The following RNF157 variants were observed in gnomAD, a reference collection of about 807,000 sequenced individuals.
RNF157 encodes ring finger protein 157.
In RNF157, 55 loss-of-function variants were observed where a neutral mutation model predicts 88.3. That is an observed-to-expected ratio of 0.62 (90% CI 0.50 to 0.78). The LOEUF (loss-of-function observed/expected upper bound fraction) is 0.78. RNF157 is among the 30% of genes least tolerant of loss of function. The pLI is 0.00. For missense variants in RNF157, 788 were observed against 860.8 expected (o/e 0.92, Z 1.06); for synonymous variants, 334 against 341.2 (o/e 0.98, Z 0.23).
intron 2 of RNF157, among the ~76,000 whole-genome samples, chr17:76,192,972 C>A (rs1429966124): frequency 6.6e-6 from 1 of 151,966 alleles, no homozygotes; most frequent in Non-Finnish European, 1.5e-5. Context: ...CAGCCGCGCG[C>A]CACCACACCT....
intron 2 of RNF157, among the ~76,000 whole-genome samples, chr17:76,179,836 T>C (rs760589636): frequency 2.0e-5 from 3 of 152,206 alleles, no homozygotes; most frequent in Non-Finnish European, 2.9e-5. Flanking sequence ...GCCAAGCATT[T>C]TTCTGAAGTA....
At chr17:76,178,985 A>C (rs1018308108) in intron 2 of RNF157, among the ~76,000 whole-genome samples, 5 of 152,252 alleles carry the variant, frequency 3.3e-5, no homozygotes, top group African/African-American at 1.2e-4. Flanking sequence ...ATCTGAAGAC[A>C]CAAATTTATT....
chr17:76,207,429 A>G (rs1286198590), intron 2 of RNF157, among the ~76,000 whole-genome samples: 3 of 148,580 alleles, frequency 2.0e-5, no homozygotes, highest in South Asian at 2.1e-4. Flanking sequence ...TCTCTAGGGG[A>G]AAAAAAAAAA....
At position 76,167,053 on chromosome 17, in the gene RNF157, G is replaced by A. The variant is rs773975058; in HGVS notation, c.517C>T (p.Leu173=). 2.5e-6 allele frequency: 4 copies of A among 1,612,690 alleles called. No individual in the cohort carries two copies. In the Admixed American group the frequency reaches 6.7e-5, roughly 27 times the overall value. The stretch of plus-strand genomic sequence containing the variant: ...GAGGGATCCACGGTGTGGGAGGGCA[G>A]GCAGAACTGCTGACACACTCCTCGC... ...YKRGVCQQFC[L]PSHTVDPSEW... The change falls in exon 5 of 19, where the codon CTG becomes TTG. Residue 173 remains leucine (L), a synonymous_variant. Transcript: ENST00000269391.
At chr17:76,232,983 C>T (rs1231614624) in intron 1 of RNF157, among the ~76,000 whole-genome samples, 1 of 152,024 alleles carries the variant, frequency 6.6e-6, no homozygotes, top group Non-Finnish European at 1.5e-5. Context: ...TGCAGTGGCC[C>T]AGTCTCCGCT....
chr17:76,172,010 T>C (rs960946195), intron 3 of RNF157, among the ~76,000 whole-genome samples: 5 of 152,202 alleles, frequency 3.3e-5, no homozygotes, highest in African/African-American at 1.2e-4. Flanking sequence ...GAGGCCTCGT[T>C]AGTCTGCTCT....
intron 17 of RNF157, chr17:76,153,109 C>T (rs1053083813): frequency 2.1e-5 from 3 of 140,522 alleles, no homozygotes; most frequent in African/African-American, 8.0e-5. Flanking sequence ...ATCAAGCTCC[C>T]CTCTTTTTTT....
chr17:76,197,631 G>A (rs1044218453), intron 2 of RNF157, among the ~76,000 whole-genome samples: 9 of 152,198 alleles, frequency 5.9e-5, no homozygotes, highest in African/African-American at 2.2e-4. Context: ...GTGCAGTGGT[G>A]TGAACATAGT....
intron 1 of RNF157, among the ~76,000 whole-genome samples, chr17:76,223,482 T>G (rs978457256): frequency 6.6e-6 from 1 of 152,132 alleles, no homozygotes; most frequent in African/African-American, 2.4e-5. Context: ...GCCACCATGC[T>G]CGGCCAAGGT....
In RNF157 at chr17:76,158,590, A is replaced by G. The variant is rs1598391956; in HGVS notation, c.1305-89T>C. On this transcript the variant is annotated intron_variant, in intron 12 of 18. Transcript: ENST00000269391. ...AAGGGGAGCTGAGGGGAAAACCCAA[A>G]TATTTTTTGCTTGTTTATTTTTTGA... 8 of 899,752 alleles carry G rather than the reference A, an allele frequency of 8.9e-6. No individual in the cohort carries two copies. In the East Asian group the frequency reaches 2.0e-4, roughly 22 times the overall value. The allele number at this position is 899,752 out of a possible 1,614,324, so 55.7% of individuals were successfully genotyped here.
At chr17:76,159,197 C>A in intron 12 of RNF157, 138 bp downstream of exon 12, 2 of 724,704 alleles carry the variant, frequency 2.8e-6, no homozygotes, top group Non-Finnish European at 4.7e-6. Flanking sequence ...GATGGGATAA[C>A]CTTCACGCAA....
intron 15 of RNF157, 118 bp from the exon 16 acceptor site, chr17:76,155,435 T>C (rs2144814562): frequency 6.9e-7 from 1 of 1,445,422 alleles, no homozygotes; most frequent in South Asian, 1.2e-5. Context: ...GGGAATGCCT[T>C]GTTTTCTGCA....
At chr17:76,237,479 A>G (rs1351129465) in intron 1 of RNF157, among the ~76,000 whole-genome samples, 1 of 152,232 alleles carries the variant, frequency 6.6e-6, no homozygotes, top group Non-Finnish European at 1.5e-5. Context: ...ACTTCTCAAA[A>G]TCAACCCAGG....
intron 1 of RNF157, among the ~76,000 whole-genome samples, chr17:76,215,134 T>C (rs1322802444): frequency 2.0e-5 from 3 of 152,130 alleles, no homozygotes; most frequent in Admixed American, 6.6e-5. Context: ...CCTAAATCAG[T>C]TGCAATTTTT....
chr17:76,147,123 G>C (rs1356882948), intron 18 of RNF157: 1 of 985,194 alleles, frequency 1.0e-6, no homozygotes, highest in African/African-American at 1.7e-5. Flanking sequence ...CATGAGTCAA[G>C]GTGTTTTTTT....
At chr17:76,156,137 C>A in intron 14 of RNF157, 73 bp downstream of exon 14, 1 of 1,199,622 alleles carries the variant, frequency 8.3e-7, no homozygotes, top group Non-Finnish European at 1.2e-6. Context: ...TGTCCCTTCC[C>A]GGAAGAAGCA....
rs147193534 is a variant in RNF157 at position 76,221,801 on chromosome 17, G to C, written c.89-9319C>G. On this transcript the variant is annotated intron_variant, in intron 1 of 18. Coordinates refer to ENST00000269391, the MANE Select transcript of RNF157 (RefSeq NM_052916.3). ...ACAAAATGTGAGGTATAATGTGTCCGACATATGTCCTTACAACGGAATATT... is the reference window on the plus strand; with the variant it reads ...ACAAAATGTGAGGTATAATGTGTCCCACATATGTCCTTACAACGGAATATT... Among the ~76,000 whole-genome samples the C allele has an allele frequency of 4.1e-3, 620 of 152,248 alleles. 4 individuals are homozygous for C. The highest frequency in any genetic ancestry group is 0.014 in the African/African-American group (583 of 41,552).
chr17:76,230,379 T>C (rs8074389), intron 1 of RNF157, among the ~76,000 whole-genome samples: 21,523 of 152,112 alleles, frequency 0.14, 2,274 homozygotes, highest in African/African-American at 0.29. Flanking sequence ...AGGCTAAAAA[T>C]GTCAGTCATC....
intron 18 of RNF157, among the ~76,000 whole-genome samples, chr17:76,152,048 GC>G (rs762462758): frequency 1.3e-5 from 2 of 152,176 alleles, no homozygotes; most frequent in Non-Finnish European, 2.9e-5. Flanking sequence ...ACAAGACTGG[GC>G]CACCTGACAT....
Sources: allele counts gnomAD v4.1 joint callset (sites outside exome capture counted in the v4.1 genomes callset), GRCh38; gene constraint gnomAD v4.1.1; transcripts MANE v1.5; gene names NCBI Gene and HGNC (gene_info 2026-07-23, HGNC 2026-07-21).